XRCC3: variants seen among roughly 807,000 people sequenced by gnomAD.
The protein encoded by XRCC3 is DNA repair protein XRCC3.
A neutral mutation model predicts 29.2 loss-of-function variants in XRCC3; 34 were observed. The observed-to-expected ratio is 1.16, with a 90% confidence interval of 0.88 to 1.55. The LOEUF (loss-of-function observed/expected upper bound fraction) is 1.55. XRCC3 is among the 40% of genes most tolerant of loss of function. XRCC3 has a pLI of 0.00. For synonymous variants in XRCC3, 223 were observed against 211.3 expected, an observed-to-expected ratio of 1.06 and a Z score of -0.48; for missense variants, 463 against 467.6, an observed-to-expected ratio of 0.99 and a Z score of 0.09.
chr14:103,698,640 C>A lies in XRCC3; in HGVS notation c.*158G>T. The A allele has an allele frequency of 1.4e-6, 1 of 710,620 alleles. No individual in the cohort carries two copies. The highest frequency in any genetic ancestry group is 2.4e-6 in the Non-Finnish European group (1 of 413,520). 44.0% of individuals were successfully genotyped at this position (710,620 alleles called of 1,614,324 possible). ...AGCTCAGATGGGGGTCAGTCTGTGG[C>A]CACCATCTTCGGATGAGAAAGTGGA... On this transcript the variant is annotated 3_prime_UTR_variant, in exon 10 of 10. Transcript: ENST00000555055.
chr14:103,711,793 G>A (rs866078204), intron 2 of XRCC3: 7 of 444,452 alleles, frequency 1.6e-5, no homozygotes, highest in African/African-American at 4.0e-5. Flanking sequence ...GCCTCAGCAG[G>A]CTGCTCAGGG....
intron 6 of XRCC3, 155 bp from the exon 7 acceptor site, chr14:103,703,482 T>C: frequency 3.3e-6 from 3 of 910,318 alleles, no homozygotes; most frequent in Non-Finnish European, 3.4e-6. Flanking sequence ...TGGTGCTTTT[T>C]CTCACCCTCC....
At chr14:103,704,226 C>T (rs943831137) in intron 6 of XRCC3, 1 of 152,316 alleles carries the variant, frequency 6.6e-6, no homozygotes, top group Non-Finnish European at 1.5e-5. Flanking sequence ...GCTGCACTTG[C>T]ATGGAGCTCC....
At chr14:103,700,801 G>C (rs1400747563) in intron 7 of XRCC3, 4 of 1,228,982 alleles carry the variant, frequency 3.3e-6, no homozygotes, top group Non-Finnish European at 3.4e-6. Flanking sequence ...GCAGGGACTG[G>C]GGGGAGCTGG....
chr14:103,706,918 A>G lies in XRCC3; in HGVS notation c.406+85T>C. ...GGTAGGAACAGCGCAAGAGGCGGCC[A>G]CTGCCCCACCTCAACGGAAAGCTGT... On this transcript the variant is annotated intron_variant, in intron 6 of 9. Transcript: ENST00000555055. 2.8e-6 allele frequency: 4 copies of G among 1,427,854 alleles called. 1 individual carries two copies. The South Asian group carries it at 4.9e-5, about 18-fold the overall frequency. The allele number at this position is 1,427,854 out of a possible 1,614,324, so 88.4% of individuals were successfully genotyped here.
At chr14:103,701,242 GTGGCCCGGAGC>G in intron 7 of XRCC3, 2 of 1,547,334 alleles carry the variant, frequency 1.3e-6, no homozygotes, top group Non-Finnish European at 8.7e-7. Flanking sequence ...ACTGCCGAGT[GTGGCCCGGAGC>G]TGGCCCGGGA....
chr14:103,715,199 G>A (rs966511656), intron 1 of XRCC3, among the ~76,000 whole-genome samples: 1 of 152,056 alleles, frequency 6.6e-6, no homozygotes, highest in Non-Finnish European at 1.5e-5. Flanking sequence ...ACGCGGCCCG[G>A]CCCCGGCGAG....
At chr14:103,703,655 T>G in intron 6 of XRCC3, 1 of 384,994 alleles carries the variant, frequency 2.6e-6, no homozygotes, top group Non-Finnish European at 5.0e-6. Flanking sequence ...CTTCCCCCTG[T>G]GAACCTCCGT....
intron 5 of XRCC3, chr14:103,707,645 A>G (rs990228558): frequency 1.7e-5 from 5 of 286,720 alleles, no homozygotes; most frequent in African/African-American, 8.8e-5. Context: ...TGCACACCAC[A>G]TGCCGTCAGT....
rs771843136 is a variant in XRCC3 at position 103,711,029 on chromosome 14, G to C, written c.55+4C>G. ...ACCCTTTATGTAAATAGAAATAAAT[G>C]TACCTTTCTTAATTGCAGCAATAAT... is the stretch of plus-strand genomic sequence containing the variant. On this transcript the variant is annotated splice_donor_region_variant and intron_variant, in intron 4 of 9. Coordinates refer to ENST00000555055, the MANE Select transcript of XRCC3 (RefSeq NM_005432.4). The C allele has an allele frequency of 5.0e-6, 8 of 1,613,946 alleles. No individual in the cohort carries two copies. Among genetic ancestry groups the C allele is most frequent in the Non-Finnish European group, 5.9e-6 (7 of 1,179,896 alleles).
chr14:103,708,268 C>A, intron 5 of XRCC3: 1 of 554,636 alleles, frequency 1.8e-6, no homozygotes, highest in Non-Finnish European at 3.2e-6. Context: ...TGCACCCCCT[C>A]CTCTGGTCCA....
At position 103,698,921 on chromosome 14, in the gene XRCC3, A is replaced by T; in HGVS notation, c.918T>A (p.Ala306=). Residue 306 remains alanine (A), a synonymous_variant, in exon 10 of 10, where the codon GCT becomes GCA. Transcript: ENST00000555055. ...GGGTCCGGGCTGGGCAGCCGAGGGCAGCCTCTTCCTCGCGGAGCCGGTCAG... is the reference window on the plus strand; with the variant it reads ...GGGTCCGGGCTGGGCAGCCGAGGGCTGCCTCTTCCTCGCGGAGCCGGTCAG... The part of the protein sequence containing the change: ...LLADRLREEE[A]ALGCPARTLR... 27 of 1,601,356 alleles carry T rather than the reference A, an allele frequency of 1.7e-5. No individual in the cohort carries two copies. The highest frequency in any genetic ancestry group is 2.3e-5 in the Non-Finnish European group (27 of 1,174,446).
chr14:103,714,452 A>G (rs1050404492), intron 1 of XRCC3, among the ~76,000 whole-genome samples: 1 of 142,502 alleles, frequency 7.0e-6, no homozygotes, highest in African/African-American at 2.7e-5. Flanking sequence ...ACACAGCAAG[A>G]CCTACTCTCT....
chr14:103,707,588 G>A (rs1463993236), intron 5 of XRCC3: 1 of 387,676 alleles, frequency 2.6e-6, no homozygotes, highest in Non-Finnish European at 4.9e-6. Flanking sequence ...CTGGGGTGCT[G>A]AACAGTTCTC....
chr14:103,710,846 A>G lies in XRCC3; in HGVS notation c.55+187T>C, dbSNP rs1595675254. The G allele has an allele frequency of 8.1e-5, 45 of 553,036 alleles. No individual in the cohort carries two copies. The East Asian group carries it at 1.3e-3, about 16-fold the overall frequency. The allele number at this position is 553,036 out of a possible 1,614,324, so 34.3% of individuals were successfully genotyped here. Reference sequence around the variant, plus strand: ...AAAAGTAACTGAAAGAAATCCATGTAGTTAAGAACACACACACACACACAC... The same window carrying G: ...AAAAGTAACTGAAAGAAATCCATGTGGTTAAGAACACACACACACACACAC... On this transcript the variant is annotated intron_variant, in intron 4 of 9. Transcript: ENST00000555055.
At chr14:103,701,196 T>C in intron 7 of XRCC3, 1 of 1,550,914 alleles carries the variant, frequency 6.4e-7, no homozygotes, top group Non-Finnish European at 8.7e-7. Context: ...TATCTTCTCT[T>C]GCAGTGACCC....
At chr14:103,699,088 CCT>C in intron 9 of XRCC3, 43 bp downstream of exon 9, 2 of 1,565,290 alleles carry the variant, frequency 1.3e-6, no homozygotes, top group Non-Finnish European at 1.7e-6. Flanking sequence ...CAGCTGTGCC[CCT>C]GGCACCTGCA....
chr14:103,708,812 G>T, intron 4 of XRCC3, 153 bp from the exon 5 acceptor site: 1 of 979,018 alleles, frequency 1.0e-6, no homozygotes, highest in Non-Finnish European at 1.6e-6. Flanking sequence ...CCTGCTCCCT[G>T]GAAACCCTGG....
rs554244728 is a variant in XRCC3 at position 103,699,822 on chromosome 14, C to G, written c.562-246G>C. The G allele has an allele frequency of 2.1e-4, 119 of 560,530 alleles. No individual in the cohort carries two copies. The South Asian group carries it at 2.2e-3, about 10-fold the overall frequency. The allele number at this position is 560,530 out of a possible 1,614,324, so 34.7% of individuals were successfully genotyped here. A position where few individuals can be genotyped will look rare whatever the true frequency, so the allele number is the denominator to read the frequency against. ...GCCCCATGTCCTTCCTCTGGCCCCCCCAGGCAGTCACCCCTTGGCTGTGCC... is the reference window on the plus strand; with the variant it reads ...GCCCCATGTCCTTCCTCTGGCCCCCGCAGGCAGTCACCCCTTGGCTGTGCC... On this transcript the variant is annotated intron_variant, in intron 7 of 9. Transcript: ENST00000555055.
Sources: allele counts gnomAD v4.1 joint callset (sites outside exome capture counted in the v4.1 genomes callset), GRCh38; gene constraint gnomAD v4.1.1; transcripts MANE v1.5; gene names NCBI Gene and HGNC (gene_info 2026-07-23, HGNC 2026-07-21).